Variants in BNC2 observed in about 807,000 individuals in gnomAD.
BNC2 encodes basonuclin zinc finger protein 2.
A neutral mutation model predicts 76.3 loss-of-function variants in BNC2; 20 were observed. The observed-to-expected ratio is 0.26, with a 90% CI of 0.18 to 0.38. The LOEUF is 0.38. Among genes scored for constraint, BNC2 ranks in the 10% least tolerant of loss-of-function variants. The pLI, the probability that BNC2 is intolerant of heterozygous loss-of-function variation, is 1.00. For synonymous variants in BNC2, 582 were observed against 514.8 expected (o/e 1.13, Z -1.77); for missense variants, 1,382 against 1,399.8 (o/e 0.99, Z 0.20).
At chr9:16,537,487 A>C (rs370574312) in intron 5 of BNC2, among the ~76,000 whole-genome samples, 4 of 152,188 alleles carry the variant, frequency 2.6e-5, no homozygotes, top group East Asian at 3.8e-4. Context: ...AGTGAAAATG[A>C]TCACAAAATA....
intron 4 of BNC2, among the ~76,000 whole-genome samples, chr9:16,576,642 C>T (rs1819493380): frequency 6.6e-6 from 1 of 152,182 alleles, no homozygotes; most frequent in South Asian, 2.1e-4. Flanking sequence ...CTTGTAAGTC[C>T]TTACAAACTA....
intron 3 of BNC2, among the ~76,000 whole-genome samples, chr9:16,683,693 T>C (rs575663579): frequency 1.3e-5 from 2 of 152,232 alleles, no homozygotes; most frequent in African/African-American, 2.4e-5. Context: ...GTGAAAAGTA[T>C]ATTAAGCATC....
chr9:16,728,075 A>C, intron 2 of BNC2, 78 bp from the exon 3 acceptor site: 7 of 849,726 alleles, frequency 8.2e-6, no homozygotes, highest in East Asian at 4.6e-5. Flanking sequence ...AGCTGGCTGA[A>C]CTGTGCATTT....
intron 5 of BNC2, among the ~76,000 whole-genome samples, chr9:16,467,485 T>C (rs1364839053): frequency 6.3e-5 from 8 of 127,866 alleles, no homozygotes; most frequent in Admixed American, 8.2e-5. Context: ...ATATACACCA[T>C]GGAATACTAT....
chr9:16,759,643 T>C (rs1047987568), intron 1 of BNC2, among the ~76,000 whole-genome samples: 2 of 152,216 alleles, frequency 1.3e-5, no homozygotes, highest in African/African-American at 4.8e-5. Flanking sequence ...ATTTTAAATC[T>C]GTGAAGGCAT....
intron 5 of BNC2, among the ~76,000 whole-genome samples, chr9:16,523,488 CAA>C (rs1401735555): frequency 4.4e-5 from 5 of 114,296 alleles, no homozygotes; most frequent in East Asian, 2.5e-4. Context: ...AAAAAAAAAA[CAA>C]AACAAAAAAA....
chr9:16,693,927 T>G (rs533123586), intron 3 of BNC2, among the ~76,000 whole-genome samples: 35 of 152,302 alleles, frequency 2.3e-4, no homozygotes, highest in Admixed American at 8.5e-4. Flanking sequence ...AGCCATTGGG[T>G]TTGCTCCACT....
intron 3 of BNC2, chr9:16,665,052 A>G (rs948740021): frequency 6.6e-6 from 3 of 456,230 alleles, no homozygotes; most frequent in Non-Finnish European, 1.3e-5. Flanking sequence ...TTCTTTATAA[A>G]TTAAGGAAGT....
intron 5 of BNC2, among the ~76,000 whole-genome samples, chr9:16,460,964 C>T (rs192000202): frequency 1.3e-5 from 2 of 151,810 alleles, no homozygotes; most frequent in East Asian, 3.9e-4. Flanking sequence ...AGAAATATGA[C>T]TGTACAACTT....
intron 3 of BNC2, among the ~76,000 whole-genome samples, chr9:16,647,925 A>T (rs1821681116): frequency 6.6e-6 from 1 of 152,112 alleles, no homozygotes; most frequent in East Asian, 1.9e-4. Context: ...ATTTTGAAAA[A>T]TTTTATACAT....
At chr9:16,864,307 ACTG>A (rs1324018798) in intron 1 of BNC2, among the ~76,000 whole-genome samples, 7 of 152,256 alleles carry the variant, frequency 4.6e-5, no homozygotes, top group East Asian at 1.9e-4. Flanking sequence ...AAAAAGATAA[ACTG>A]CTAATAGATC....
chr9:16,740,744 G>C (rs753525247), intron 1 of BNC2, among the ~76,000 whole-genome samples: 1 of 152,158 alleles, frequency 6.6e-6, no homozygotes, highest in Non-Finnish European at 1.5e-5. Context: ...ATGAAGCCAA[G>C]AGAGAAAACG....
intron 3 of BNC2, among the ~76,000 whole-genome samples, chr9:16,709,555 T>C (rs1156285669): frequency 6.6e-6 from 1 of 152,080 alleles, no homozygotes; most frequent in Admixed American, 6.5e-5. Flanking sequence ...AGAACTCAGA[T>C]GCCAGCCCAG....
intron 5 of BNC2, among the ~76,000 whole-genome samples, chr9:16,469,927 GT>G (rs1172575830): frequency 6.6e-6 from 1 of 151,536 alleles, no homozygotes. Flanking sequence ...ATGATTTAGG[GT>G]TATCTGGCAG....
At position 16,419,614 on chromosome 9, in the gene BNC2, A is replaced by G. The variant is rs1307879897; in HGVS notation, c.2675T>C (p.Leu892Ser). 6.4e-7 allele frequency: 1 copy of G among 1,569,264 alleles called. No homozygotes were observed. Among genetic ancestry groups the G allele is most frequent in the Middle Eastern group, 1.7e-4 (1 of 5,826 alleles). The change falls in exon 7 of 7, where the codon TTG becomes TCG. Residue 892 changes from leucine to serine, a missense_variant. Leu to Ser is a moderately radical substitution (Grantham distance 145, BLOSUM62 -2). Around this residue, in one of 3 missense-constraint regions of BNC2, gnomAD observed 798 missense variants for 775.5 expected, o/e 1.03. Transcript: ENST00000380672. The stretch of plus-strand genomic sequence containing the variant: ...GCCCATGTCATCGAGTTCTTTGGTC[A>G]ACAGTTTACGATGTAGGTTTATGTT... ...SANINLHRKL[L>S]TKELDDMGLD...
Position 16,416,665 on chromosome 9 carries a change from T to C in BNC2, c.*2324A>G, listed in dbSNP as rs1820590326. The C allele has an allele frequency of 6.6e-6, 1 of 152,616 alleles. No homozygotes were observed. Among genetic ancestry groups the C allele is most frequent in the African/African-American group, 2.4e-5 (1 of 41,456 alleles). 9.5% of individuals were successfully genotyped at this position (152,616 alleles called of 1,614,324 possible). On this transcript the variant is annotated 3_prime_UTR_variant, in exon 7 of 7. Coordinates refer to ENST00000380672, the MANE Select transcript of BNC2 (RefSeq NM_017637.6). The stretch of plus-strand genomic sequence containing the variant: ...TTTTGTACTGCAAATACTTTTGGTC[T>C]TTCCTCCCCGTAGAACAAATGAAGA...
chr9:16,610,600 T>C (rs1262260500), intron 3 of BNC2, among the ~76,000 whole-genome samples: 2 of 152,170 alleles, frequency 1.3e-5, no homozygotes, highest in Admixed American at 6.6e-5. Context: ...AAAGTAGATC[T>C]TAAAAAACTC....
chr9:16,683,266 G>A (rs1822878523), intron 3 of BNC2, among the ~76,000 whole-genome samples: 1 of 152,142 alleles, frequency 6.6e-6, no homozygotes. Context: ...GGTTTAAAAG[G>A]AAGAAGGCAA....
intron 5 of BNC2, among the ~76,000 whole-genome samples, chr9:16,533,241 A>G (rs953102739): frequency 3.9e-5 from 6 of 152,364 alleles, no homozygotes; most frequent in African/African-American, 1.4e-4. Context: ...AATGAAATAT[A>G]TGGTTTGTGT....
Sources: allele counts gnomAD v4.1 joint callset (sites outside exome capture counted in the v4.1 genomes callset), GRCh38; gene constraint gnomAD v4.1.1; regional missense constraint gnomAD v4.1.1; transcripts MANE v1.5; gene names NCBI Gene and HGNC (gene_info 2026-07-23, HGNC 2026-07-21).